Variants in PLXNA2 observed in about 807,000 individuals in gnomAD.
The protein encoded by PLXNA2 is plexin-A2.
PLXNA2 carries 91 observed loss-of-function variants against 193.5 expected under a neutral mutation model. The ratio of observed to expected loss-of-function variants is 0.47; its 90% CI spans 0.40 to 0.56. The LOEUF is 0.56. Ranked by LOEUF, PLXNA2 falls within the 20% of genes least tolerant of loss-of-function variation. The probability of loss-of-function intolerance (pLI) is 0.00; values close to 1 mark genes in which losing one functional copy is unlikely to be tolerated. For missense variants in PLXNA2, 1,995 were observed against 2,503.2 expected (o/e 0.80, Z 4.33); for synonymous variants, 997 against 1,027.3 (o/e 0.97, Z 0.56).
Position 208,168,723 on chromosome 1 carries a change from G to GTTTTTTTTTTTTTTTTTTTTTTTTTTTT in PLXNA2, c.1372-26261_1372-26260insAAAAAAAAAAAAAAAAAAAAAAAAAAAA, listed in dbSNP as rs751893998. Among the ~76,000 whole-genome samples, 11 of 102,238 alleles carry GTTTTTTTTTTTTTTTTTTTTTTTTTTTT rather than the reference G, an allele frequency of 1.1e-4. 4 individuals carry two copies. Among genetic ancestry groups the GTTTTTTTTTTTTTTTTTTTTTTTTTTTT allele is most frequent in the South Asian group, 7.7e-4 (2 of 2,596 alleles). The allele number at this position is 102,238 out of a possible 152,430, so 67.1% of individuals were successfully genotyped here. ...CAAAAAGAAGACAAAGAGTATGCGGGGTTTTTTTTTTTTTTTTTTTTTTTT... is the reference window on the plus strand; with the variant it reads ...CAAAAAGAAGACAAAGAGTATGCGGGTTTTTTTTTTTTTTTTTTTTTTTTTTTTGTTTTTTTTTTTTTTTTTTTTTTTT... On this transcript the variant is annotated intron_variant, in intron 3 of 31. Transcript: ENST00000367033.
Position 208,027,007 on chromosome 1 carries a change from C to A in PLXNA2, c.*236G>T, listed in dbSNP as rs900571705. 1 of 438,008 alleles carries A rather than the reference C, an allele frequency of 2.3e-6. No homozygotes were observed. The highest frequency in any genetic ancestry group is 2.0e-5 in the African/African-American group (1 of 50,596). The allele number at this position is 438,008 out of a possible 1,614,324, so 27.1% of individuals were successfully genotyped here. A position where few individuals can be genotyped will look rare whatever the true frequency, so the allele number is the denominator to read the frequency against. ...TTGAAGAACCACCTTCTCCCGGCCCCGGGTTCTCTGGTGTTCTCACTGAGG... is the reference window on the plus strand; with the variant it reads ...TTGAAGAACCACCTTCTCCCGGCCCAGGGTTCTCTGGTGTTCTCACTGAGG... On this transcript the variant is annotated 3_prime_UTR_variant, in exon 32 of 32. Transcript: ENST00000367033.
intron 3 of PLXNA2, among the ~76,000 whole-genome samples, chr1:208,203,780 G>A (rs1476860700): frequency 1.3e-5 from 2 of 152,210 alleles, no homozygotes; most frequent in East Asian, 3.9e-4. Context: ...ATGGGGTAAA[G>A]ATGCAGGGGC....
intron 4 of PLXNA2, among the ~76,000 whole-genome samples, chr1:208,130,724 C>G (rs147534560): frequency 2.4e-3 from 359 of 152,288 alleles, no homozygotes; most frequent in Admixed American, 5.1e-3. Flanking sequence ...TCTCCCATCA[C>G]CCCTCTGCCA....
rs746529530 is a variant in PLXNA2, at chr1:208,042,164, T to C, written c.4220A>G (p.Gln1407Arg). 2 of 1,614,222 alleles carry C rather than the reference T, an allele frequency of 1.2e-6. No individual in the cohort carries two copies. The highest frequency in any genetic ancestry group is 1.6e-4 in the Middle Eastern group (1 of 6,062). The part of the protein sequence containing the change: ...RLEYATDVLK[Q>R]LLSDLIDKNL... The stretch of plus-strand genomic sequence containing the variant: ...CTTATCGATGAGGTCAGAGAGCAGC[T>C]GCTTGAGGACATCAGTGGCATATTC... Residue 1407 changes from glutamine to arginine, a missense_variant, in exon 22 of 32, where the codon CAG becomes CGG. Physicochemically the swap from Gln to Arg is conservative, Grantham distance 43 (BLOSUM62 1). Coordinates refer to ENST00000367033, the MANE Select transcript of PLXNA2 (RefSeq NM_025179.4).
At chr1:208,228,857 G>A (rs1192322977) in intron 1 of PLXNA2, among the ~76,000 whole-genome samples, 2 of 151,814 alleles carry the variant, frequency 1.3e-5, no homozygotes, top group African/African-American at 4.8e-5. Context: ...AACCCTCTAG[G>A]GCCTCTCCAT....
At chr1:208,111,660 C>A (rs1182139878) in intron 4 of PLXNA2, among the ~76,000 whole-genome samples, 1 of 152,230 alleles carries the variant, frequency 6.6e-6, no homozygotes, top group Non-Finnish European at 1.5e-5. Context: ...TGAGCCCACA[C>A]TTTCAGCTTA....
chr1:208,061,163 G>A (rs1000839141), intron 12 of PLXNA2, among the ~76,000 whole-genome samples: 1 of 152,148 alleles, frequency 6.6e-6, no homozygotes, highest in African/African-American at 2.4e-5. Flanking sequence ...GCCTGATTGC[G>A]ATCAGTCACG....
chr1:208,143,734 T>G (rs1668526247), intron 3 of PLXNA2, among the ~76,000 whole-genome samples: 1 of 152,184 alleles, frequency 6.6e-6, no homozygotes, highest in Non-Finnish European at 1.5e-5. Context: ...GATGCCTTTT[T>G]TTTTTGCCAG....
rs745340668 is a variant in PLXNA2 at position 208,126,754 on chromosome 1, C to T, written c.1506+15575G>A. Among the ~76,000 whole-genome samples, 3 of 152,246 alleles carry T rather than the reference C, an allele frequency of 2.0e-5. 1 individual carries two copies. Among genetic ancestry groups the T allele is most frequent in the Middle Eastern group, 6.8e-3 (2 of 294 alleles). ...CAACAGTAAGCAGGCAATTTGGAAG[C>T]GTGTTCAGAGCCTATGGTATCTTCC... On this transcript the variant is annotated intron_variant, in intron 4 of 31. Coordinates refer to ENST00000367033, the MANE Select transcript of PLXNA2 (RefSeq NM_025179.4).
chr1:208,027,392 C>G (rs659192), intron 31 of PLXNA2, 54 bp from the exon 32 acceptor site: 228,343 of 1,460,220 alleles, frequency 0.16, 20,531 homozygotes, highest in East Asian at 0.35. Context: ...TAGAAGACAC[C>G]ATTTTCTGGA....
intron 6 of PLXNA2, among the ~76,000 whole-genome samples, chr1:208,097,518 A>G (rs1020626875): frequency 1.3e-5 from 2 of 152,184 alleles, no homozygotes; most frequent in Non-Finnish European, 2.9e-5. Context: ...GTGGCCACCA[A>G]CTGCTTGATG....
At chr1:208,035,021 T>A (rs961957010) in intron 26 of PLXNA2, among the ~76,000 whole-genome samples, 3 of 152,238 alleles carry the variant, frequency 2.0e-5, no homozygotes, top group Non-Finnish European at 4.4e-5. Flanking sequence ...GATCTTTTTA[T>A]TTTTACCTTT....
intron 4 of PLXNA2, among the ~76,000 whole-genome samples, chr1:208,114,255 A>T (rs1667573945): frequency 6.6e-6 from 1 of 152,152 alleles, no homozygotes. Flanking sequence ...GTGGGTTCTT[A>T]GGGATTCCTT....
At chr1:208,222,963 T>C (rs1671387774) in intron 1 of PLXNA2, among the ~76,000 whole-genome samples, 1 of 152,066 alleles carries the variant, frequency 6.6e-6, no homozygotes, top group Non-Finnish European at 1.5e-5. Flanking sequence ...TTCATAACAA[T>C]AACAGCAAAG....
chr1:208,088,635 C>T (rs1666613981), intron 9 of PLXNA2, among the ~76,000 whole-genome samples: 1 of 152,246 alleles, frequency 6.6e-6, no homozygotes, highest in African/African-American at 2.4e-5. Context: ...CAGAGATCTG[C>T]TGTGCTCTGA....
At chr1:208,103,295 T>A (rs1667157764) in intron 4 of PLXNA2, 48 bp from the exon 5 acceptor site, 1 of 1,424,042 alleles carries the variant, frequency 7.0e-7, no homozygotes, top group Admixed American at 1.8e-5. Context: ...CTGTGACGAC[T>A]AGCAGGTGTG....
At chr1:208,167,212 A>G (rs1669337888) in intron 3 of PLXNA2, among the ~76,000 whole-genome samples, 1 of 152,182 alleles carries the variant, frequency 6.6e-6, no homozygotes, top group Non-Finnish European at 1.5e-5. Flanking sequence ...GCGATTTTAT[A>G]TTTTCTGGAA....
chr1:208,117,198 A>G (rs1667663037), intron 4 of PLXNA2, among the ~76,000 whole-genome samples: 1 of 152,184 alleles, frequency 6.6e-6, no homozygotes, highest in Non-Finnish European at 1.5e-5. Flanking sequence ...GAAGGAATGA[A>G]AAAGAAGAGA....
chr1:208,110,124 C>G (rs567029582), intron 4 of PLXNA2, among the ~76,000 whole-genome samples: 1 of 152,334 alleles, frequency 6.6e-6, no homozygotes, highest in South Asian at 2.1e-4. Context: ...GAGGCCCAGT[C>G]CTGCCCCTGA....
Sources: allele counts gnomAD v4.1 joint callset (sites outside exome capture counted in the v4.1 genomes callset), GRCh38; gene constraint gnomAD v4.1.1; transcripts MANE v1.5; gene names NCBI Gene and HGNC (gene_info 2026-07-23, HGNC 2026-07-21).